KALRN: variants seen among roughly 807,000 people sequenced by gnomAD.
KALRN encodes the protein kalirin.
Under a neutral mutation model 353.7 loss-of-function variants are expected in KALRN, and 70 were observed. The ratio of observed to expected loss-of-function variants is 0.20; its 90% confidence interval spans 0.16 to 0.24. KALRN has a LOEUF of 0.24. Among genes scored for constraint, KALRN ranks in the 10% least tolerant of loss-of-function variants. KALRN has a pLI of 1.00. For synonymous variants in KALRN, 1,391 were observed against 1,434.8 expected (o/e 0.97, Z 0.69); for missense variants, 2,791 against 3,756.7 (o/e 0.74, Z 6.72).
intron 10 of KALRN, among the ~76,000 whole-genome samples, chr3:124,382,689 C>T (rs666144): frequency 0.67 from 101,941 of 152,052 alleles, 35,027 homozygotes; most frequent in East Asian, 1. Context: ...GAATATAAAG[C>T]TACAATCTCT....
At chr3:124,649,210 C>T (rs1180858299) in intron 37 of KALRN, among the ~76,000 whole-genome samples, 1 of 152,016 alleles carries the variant, frequency 6.6e-6, no homozygotes, top group African/African-American at 2.4e-5. Context: ...TAAAATGGAC[C>T]ATCAGGAACC....
chr3:124,203,984 G>A (rs115971210), intron 1 of KALRN, among the ~76,000 whole-genome samples: 233 of 152,308 alleles, frequency 1.5e-3, no homozygotes, highest in African/African-American at 5.4e-3. Context: ...GTTCCATAGG[G>A]TCCTCAACTG....
At chr3:124,052,425 C>T (rs1411960410) in intron 1 of KALRN, among the ~76,000 whole-genome samples, 2 of 152,168 alleles carry the variant, frequency 1.3e-5, no homozygotes, top group African/African-American at 4.8e-5. Context: ...CGCCTTTCTT[C>T]TGGCTCTTCC....
At chr3:124,696,385 C>T in intron 54 of KALRN, 130 bp downstream of exon 54, 1 of 683,910 alleles carries the variant, frequency 1.5e-6, no homozygotes, top group Non-Finnish European at 2.3e-6. Context: ...CTCCAACCAC[C>T]TCAGCCTCCC....
intron 13 of KALRN, among the ~76,000 whole-genome samples, chr3:124,410,041 G>A (rs1017277378): frequency 1.3e-5 from 2 of 152,140 alleles, no homozygotes; most frequent in African/African-American, 4.8e-5. Context: ...GTCAGATGAT[G>A]AGAGTGGAGG....
At chr3:124,541,698 C>A in intron 33 of KALRN, among the ~76,000 whole-genome samples, 1 of 148,850 alleles carries the variant, frequency 6.7e-6, no homozygotes, top group South Asian at 2.1e-4. Flanking sequence ...ACCTGGCCAA[C>A]GTGGTGAAAC....
At chr3:124,634,913 G>A (rs888996012) in intron 36 of KALRN, among the ~76,000 whole-genome samples, 8 of 152,116 alleles carry the variant, frequency 5.3e-5, no homozygotes, top group Admixed American at 6.5e-5. Flanking sequence ...AGCCTCCTGC[G>A]GGTGTGTCCT....
intron 1 of KALRN, among the ~76,000 whole-genome samples, chr3:124,192,617 C>T (rs1483451891): frequency 1.3e-5 from 2 of 152,090 alleles, no homozygotes; most frequent in Non-Finnish European, 2.9e-5. Flanking sequence ...ATGCCTGTAT[C>T]CAAACATCTC....
At chr3:124,278,170 C>A (rs1437539030) in intron 5 of KALRN, among the ~76,000 whole-genome samples, 1 of 151,264 alleles carries the variant, frequency 6.6e-6, no homozygotes, top group Non-Finnish European at 1.5e-5. Flanking sequence ...TAGGGCAGTG[C>A]AGGGAAAATC....
intron 1 of KALRN, among the ~76,000 whole-genome samples, chr3:124,199,454 A>G (rs1479630465): frequency 6.6e-6 from 1 of 152,218 alleles, no homozygotes; most frequent in Non-Finnish European, 1.5e-5. Flanking sequence ...CACCCACAGG[A>G]GAGTGACAAG....
intron 33 of KALRN, among the ~76,000 whole-genome samples, chr3:124,510,545 G>T (rs1199726291): frequency 6.6e-6 from 1 of 151,978 alleles, no homozygotes; most frequent in African/African-American, 2.4e-5. Context: ...TCAGCATGAT[G>T]ATTATAGAAT....
chr3:124,562,483 G>A (rs752088636), intron 33 of KALRN, among the ~76,000 whole-genome samples: 45 of 152,116 alleles, frequency 3.0e-4, no homozygotes, highest in African/African-American at 9.9e-4. Context: ...GGGGTTTAAC[G>A]GCACAATTAG....
At chr3:124,650,567 T>A (rs2083296718) in intron 37 of KALRN, among the ~76,000 whole-genome samples, 1 of 152,206 alleles carries the variant, frequency 6.6e-6, no homozygotes, top group Non-Finnish European at 1.5e-5. Context: ...TTTCATTATG[T>A]CTGGGAAATT....
intron 10 of KALRN, among the ~76,000 whole-genome samples, chr3:124,371,533 T>G (rs2085833509): frequency 6.6e-6 from 1 of 152,196 alleles, no homozygotes; most frequent in Non-Finnish European, 1.5e-5. Flanking sequence ...ATGGCTATAC[T>G]AATTTACCTT....
intron 1 of KALRN, among the ~76,000 whole-genome samples, chr3:124,045,062 G>C (rs1286760781): frequency 6.6e-6 from 1 of 152,074 alleles, no homozygotes; most frequent in Non-Finnish European, 1.5e-5. Context: ...CTCTTACCCA[G>C]CCCAGGGACA....
At chr3:124,140,095 C>T (rs1326775938) in intron 1 of KALRN, among the ~76,000 whole-genome samples, 3 of 152,124 alleles carry the variant, frequency 2.0e-5, no homozygotes, top group African/African-American at 7.2e-5. Context: ...AGCTGTGAAA[C>T]TTGCTTTCTA....
At chr3:124,487,439 G>A (rs1438449814) in intron 28 of KALRN, among the ~76,000 whole-genome samples, 1 of 152,222 alleles carries the variant, frequency 6.6e-6, no homozygotes, top group Non-Finnish European at 1.5e-5. Flanking sequence ...GAATATAGGA[G>A]AGACAGGGTT....
intron 33 of KALRN, chr3:124,518,761 C>T: frequency 7.5e-7 from 1 of 1,337,478 alleles, no homozygotes; most frequent in Non-Finnish European, 9.6e-7. Context: ...GCCCAATGTA[C>T]TTCCCCCAGA....
At chr3:124,063,694 T>C (rs1039498658) in intron 1 of KALRN, among the ~76,000 whole-genome samples, 2 of 152,212 alleles carry the variant, frequency 1.3e-5, no homozygotes, top group Non-Finnish European at 2.9e-5. Flanking sequence ...ACTTGAACTT[T>C]GTCAGCTACT....
Sources: gnomAD v4.1 joint callset for allele counts (sites outside exome capture counted in the v4.1 genomes callset) on GRCh38, gnomAD v4.1.1 for gene constraint, MANE v1.5 for transcripts, NCBI Gene and HGNC (gene_info 2026-07-23, HGNC 2026-07-21) for gene names.